Variants in BCL2 observed in about 807,000 individuals in gnomAD.
The protein encoded by BCL2 is apoptosis regulator Bcl-2.
A neutral mutation model predicts 14.2 loss-of-function variants in BCL2; 1 was observed. The ratio of observed to expected loss-of-function variants is 0.07; its 90% CI spans 0.02 to 0.33. BCL2 has a LOEUF of 0.33. Among genes scored for constraint, BCL2 ranks in the 10% least tolerant of loss-of-function variants. The pLI is 0.99. For synonymous variants in BCL2, 151 were observed against 137.2 expected (o/e 1.10, Z -0.70); for missense variants, 247 against 305.9 (o/e 0.81, Z 1.44).
chr18:63,143,354 C>T (rs1358989683), intron 2 of BCL2, among the ~76,000 whole-genome samples: 1 of 152,214 alleles, frequency 6.6e-6, no homozygotes, highest in Non-Finnish European at 1.5e-5. Flanking sequence ...GCTGGCTGAC[C>T]TGACCCAAGG....
intron 2 of BCL2, among the ~76,000 whole-genome samples, chr18:63,220,489 G>C (rs1180840201): frequency 6.6e-6 from 1 of 152,114 alleles, no homozygotes; most frequent in African/African-American, 2.4e-5. Context: ...CAGAATCCAG[G>C]CTTCCTGACA....
chr18:63,189,191 A>T (rs868493564), intron 2 of BCL2, among the ~76,000 whole-genome samples: 2 of 16,374 alleles, frequency 1.2e-4, no homozygotes, highest in Non-Finnish European at 2.6e-4. Context: ...ACAGCATATA[A>T]AAAAAAAAAA....
At position 63,147,718 on chromosome 18, in the gene BCL2, A is replaced by G. The variant is rs148569742; in HGVS notation, c.586-18959T>C. ...TAACACTGAGATGATTTTATGAAAA[A>G]TTAAGGGATGTCTTCTCTGGATGTG... On this transcript the variant is annotated intron_variant, in intron 2 of 2. Coordinates refer to ENST00000333681, the MANE Select transcript of BCL2 (RefSeq NM_000633.3). 4.1e-4 allele frequency among the ~76,000 whole-genome samples: 62 copies of G among 152,348 alleles called. No homozygotes were observed. The East Asian group carries it at 0.012, about 29-fold the overall frequency.
chr18:63,210,451 T>G (rs1448817547), intron 2 of BCL2, among the ~76,000 whole-genome samples: 1 of 152,194 alleles, frequency 6.6e-6, no homozygotes, highest in Non-Finnish European at 1.5e-5. Context: ...GGCTTCAAAT[T>G]TCAATCCCAT....
At chr18:63,138,467 G>A (rs973111844) in intron 2 of BCL2, among the ~76,000 whole-genome samples, 3 of 152,208 alleles carry the variant, frequency 2.0e-5, no homozygotes, top group Non-Finnish European at 2.9e-5. Context: ...TATTGTTTCC[G>A]GGTTTGGGGG....
intron 2 of BCL2, among the ~76,000 whole-genome samples, chr18:63,130,824 A>T (rs970989340): frequency 6.6e-6 from 1 of 152,180 alleles, no homozygotes; most frequent in African/African-American, 2.4e-5. Flanking sequence ...ACCTCAGTTA[A>T]CCAGTCATCA....
intron 2 of BCL2, among the ~76,000 whole-genome samples, chr18:63,178,362 A>G (rs1463736568): frequency 6.6e-6 from 1 of 152,192 alleles, no homozygotes; most frequent in Non-Finnish European, 1.5e-5. Context: ...AGCGCGTCTC[A>G]GGGGAGGGCG....
chr18:63,236,147 T>C (rs1265310719), intron 2 of BCL2, among the ~76,000 whole-genome samples: 2 of 152,204 alleles, frequency 1.3e-5, no homozygotes, highest in African/African-American at 4.8e-5. Flanking sequence ...CTCTCTTGCC[T>C]GCCCTCATGT....
chr18:63,286,802 A>G (rs1912486898), intron 2 of BCL2, among the ~76,000 whole-genome samples: 1 of 152,150 alleles, frequency 6.6e-6, no homozygotes, highest in Admixed American at 6.5e-5. Context: ...GCAGGGTCCT[A>G]TCTTGCTACC....
At chr18:63,225,518 C>T (rs1029764902) in intron 2 of BCL2, among the ~76,000 whole-genome samples, 1 of 152,150 alleles carries the variant, frequency 6.6e-6, no homozygotes. Flanking sequence ...TTGGCTTCCA[C>T]AGAAATTAAG....
rs2144326188 is a variant in BCL2 at position 63,318,634 on chromosome 18, G to A, written c.33C>T (p.Asn11=). 6.2e-7 allele frequency: 1 copy of A among 1,613,298 alleles called. No homozygotes were observed. Among genetic ancestry groups the A allele is most frequent in the Non-Finnish European group, 8.5e-7 (1 of 1,179,698 alleles). ...GGATGTACTTCATCACTATCTCCCGGTTATCGTACCCTGTTCTCCCAGCGT... is the reference window on the plus strand; with the variant it reads ...GGATGTACTTCATCACTATCTCCCGATTATCGTACCCTGTTCTCCCAGCGT... MAHAGRTGYD[N]REIVMKYIHY... Residue 11 remains asparagine, a synonymous_variant, in exon 2 of 3, where the codon AAC becomes AAT. Transcript: ENST00000333681. This position sits in a 1 kb window ranked among gnomAD's most constrained non-coding sequence, Gnocchi z 7.4.
intron 2 of BCL2, among the ~76,000 whole-genome samples, chr18:63,157,960 T>TC (rs1232448666): frequency 6.6e-6 from 1 of 152,062 alleles, no homozygotes; most frequent in Non-Finnish European, 1.5e-5. Flanking sequence ...CTTTTTTTTT[T>TC]CTGAAGCCAA....
intron 2 of BCL2, among the ~76,000 whole-genome samples, chr18:63,260,648 G>A (rs758962555): frequency 1.3e-5 from 2 of 152,024 alleles, no homozygotes; most frequent in Non-Finnish European, 2.9e-5. Flanking sequence ...GAGGCTCTGC[G>A]TTATGAAACA....
intron 2 of BCL2, among the ~76,000 whole-genome samples, chr18:63,223,334 A>G (rs1337771260): frequency 6.6e-6 from 1 of 151,394 alleles, no homozygotes; most frequent in Non-Finnish European, 1.5e-5. Context: ...CGGGAGGCGG[A>G]GCTTGCAGTG....
chr18:63,312,137 A>G (rs72945077), intron 2 of BCL2, among the ~76,000 whole-genome samples: 3 of 152,340 alleles, frequency 2.0e-5, no homozygotes, highest in Non-Finnish European at 4.4e-5. Flanking sequence ...CACTTTGATT[A>G]GACTCCCCAC....
intron 2 of BCL2, chr18:63,315,607 T>C (rs539094872): frequency 1.3e-5 from 2 of 152,308 alleles, no homozygotes; most frequent in East Asian, 3.9e-4. Context: ...CAGATTATTG[T>C]CACATGCCAA....
chr18:63,220,631 T>C (rs781569021), intron 2 of BCL2, among the ~76,000 whole-genome samples: 3 of 152,126 alleles, frequency 2.0e-5, no homozygotes, highest in Non-Finnish European at 4.4e-5. Flanking sequence ...ACTTACAATC[T>C]TGGGGAGATG....
chr18:63,317,825 T>G, intron 2 of BCL2: 1 of 1,375,452 alleles, frequency 7.3e-7, no homozygotes, highest in Non-Finnish European at 9.4e-7. Context: ...CACATCCTAC[T>G]GGATTACAAA....
At chr18:63,263,577 C>A (rs1198995255) in intron 2 of BCL2, among the ~76,000 whole-genome samples, 2 of 152,022 alleles carry the variant, frequency 1.3e-5, no homozygotes, top group African/African-American at 4.8e-5. Flanking sequence ...ATCTGTTTCT[C>A]CCGTTTCTAG....
Sources: gnomAD v4.1 joint callset for allele counts (sites outside exome capture counted in the v4.1 genomes callset) on GRCh38, gnomAD v4.1.1 for gene constraint, Gnocchi (gnomAD v3.1) non-coding constraint, MANE v1.5 for transcripts, NCBI Gene and HGNC (gene_info 2026-07-23, HGNC 2026-07-21) for gene names.